The following DMD variants were observed in gnomAD, a reference collection of about 807,000 sequenced individuals.
DMD encodes the protein mutant dystrophin.
Under a neutral mutation model 330.1 loss-of-function variants are expected in DMD, and 63 were observed. The ratio of observed to expected loss-of-function variants is 0.19; its 90% CI spans 0.16 to 0.24. The LOEUF (loss-of-function observed/expected upper bound fraction) is 0.24, where lower values mean the gene tolerates loss of function less well. DMD is among the 10% of genes least tolerant of loss of function. DMD has a pLI of 1.00. For missense variants in DMD, 3,344 were observed against 2,684.1 expected, an observed-to-expected ratio of 1.25 and a Z score of -5.43; for synonymous variants, 1,223 against 959.8, an observed-to-expected ratio of 1.27 and a Z score of -5.07.
At chrX:31,526,219 T>C (rs926813733) in intron 55 of DMD, among the ~76,000 whole-genome samples, 2 of 112,470 alleles carry the variant, frequency 1.8e-5, no homozygotes, top group Non-Finnish European at 3.8e-5. Flanking sequence ...TGTATGACTG[T>C]TTTTCATCAG....
chrX:33,220,862 A>G (rs1252780145), intron 1 of DMD, among the ~76,000 whole-genome samples: 1 of 111,951 alleles, frequency 8.9e-6, no homozygotes, highest in East Asian at 2.8e-4. Context: ...ACTTCTTGAT[A>G]TTAAGAATTA....
In DMD at chrX:32,850,154, G is replaced by A. The variant is rs1178515896; in HGVS notation, c.94-334C>T. ...AAGGCAGTTACGGGTAAAGGGAAAA[G>A]TAAATACACAAAGAAGCAAAAGACC... On this transcript the variant is annotated intron_variant, in intron 2 of 78. Coordinates refer to ENST00000357033, the MANE Select transcript of DMD (RefSeq NM_004006.3). Among the ~76,000 whole-genome samples the A allele has an allele frequency of 1.1e-4, 12 of 111,534 alleles. No individual in the cohort carries two copies. The Admixed American group carries it at 1.1e-3, about 11-fold the overall frequency.
At position 32,459,496 on chromosome X, in the gene DMD, T is replaced by C. The variant is rs57414618; in HGVS notation, c.3432+3943A>G. Among the ~76,000 whole-genome samples, 854 of 111,099 alleles carry C rather than the reference T, an allele frequency of 7.7e-3. 6 individuals are homozygous for C. Among genetic ancestry groups the C allele is most frequent in the African/African-American group, 0.026 (808 of 30,697 alleles). On this transcript the variant is annotated intron_variant, in intron 25 of 78. Transcript: ENST00000357033. ...GTTATCTTTATTTTTATGTACCTCG[T>C]TTATATGCCCAGTTTGAAAAGTGTA...
At chrX:32,773,681 C>G (rs2148478277) in intron 7 of DMD, among the ~76,000 whole-genome samples, 1 of 110,511 alleles carries the variant, frequency 9.0e-6, no homozygotes, top group East Asian at 2.8e-4. Flanking sequence ...TGTCTCTGTG[C>G]CTGGTTGATT....
At chrX:32,552,630 C>A (rs2049705705) in intron 16 of DMD, among the ~76,000 whole-genome samples, 1 of 111,867 alleles carries the variant, frequency 8.9e-6, no homozygotes, top group Non-Finnish European at 1.9e-5. Flanking sequence ...ACAGAGTAAA[C>A]AGACAACCTG....
intron 56 of DMD, among the ~76,000 whole-genome samples, chrX:31,503,542 A>C (rs912706041): frequency 8.9e-6 from 1 of 112,327 alleles, no homozygotes; most frequent in African/African-American, 3.2e-5. Flanking sequence ...TGGAGGCAGT[A>C]AGCATAGCCC....
At chrX:32,197,409 G>T (rs2097011408) in intron 44 of DMD, among the ~76,000 whole-genome samples, 1 of 111,496 alleles carries the variant, frequency 9.0e-6, no homozygotes, top group African/African-American at 3.3e-5. Context: ...CAAATAGTGT[G>T]TCTTATTTTC....
At chrX:32,265,983 T>G (rs2097342683) in intron 43 of DMD, among the ~76,000 whole-genome samples, 2 of 111,480 alleles carry the variant, frequency 1.8e-5, no homozygotes, top group Admixed American at 1.9e-4. Context: ...GAAGGCATTA[T>G]TGTGTTTTGA....
At chrX:32,590,385 C>G (rs2054764686) in intron 13 of DMD, among the ~76,000 whole-genome samples, 2 of 111,367 alleles carry the variant, frequency 1.8e-5, no homozygotes, top group African/African-American at 6.5e-5. Context: ...GTGTCAACTT[C>G]ATGGAATTGA....
intron 7 of DMD, among the ~76,000 whole-genome samples, chrX:32,799,805 C>T (rs949353391): frequency 9.0e-6 from 1 of 110,896 alleles, no homozygotes; most frequent in Non-Finnish European, 1.9e-5. Flanking sequence ...ATTAAGTTTA[C>T]CCTAGATGTA....
intron 1 of DMD, among the ~76,000 whole-genome samples, chrX:33,313,878 A>G (rs1332220842): frequency 9.0e-6 from 1 of 111,404 alleles, no homozygotes; most frequent in Non-Finnish European, 1.9e-5. Context: ...ATCTGCCTTG[A>G]TGATGTTTAC....
At chrX:32,585,884 C>T (rs2054240430) in intron 13 of DMD, among the ~76,000 whole-genome samples, 1 of 108,968 alleles carries the variant, frequency 9.2e-6, no homozygotes, top group South Asian at 3.9e-4. Flanking sequence ...GAATAGAAAA[C>T]AGATTGAGTA....
intron 41 of DMD, among the ~76,000 whole-genome samples, chrX:32,328,928 C>A (rs915586318): frequency 6.3e-5 from 7 of 111,203 alleles, no homozygotes; most frequent in African/African-American, 2.0e-4. Context: ...TTGAAAACTT[C>A]TGGACCATGG....
At chrX:31,974,581 G>A (rs1220758745) in intron 44 of DMD, among the ~76,000 whole-genome samples, 2 of 108,684 alleles carry the variant, frequency 1.8e-5, no homozygotes, top group Non-Finnish European at 3.8e-5. Context: ...ACAAATGTGT[G>A]TGTTCATTTG....
chrX:32,867,633 T>C (rs2082619079), intron 2 of DMD, among the ~76,000 whole-genome samples: 1 of 112,140 alleles, frequency 8.9e-6, no homozygotes, highest in Non-Finnish European at 1.9e-5. Flanking sequence ...AACAATCCTG[T>C]ACAAAATATT....
chrX:33,272,989 G>A (rs1036442221), intron 1 of DMD, among the ~76,000 whole-genome samples: 15 of 111,576 alleles, frequency 1.3e-4, no homozygotes, highest in Non-Finnish European at 1.9e-4. Flanking sequence ...AACACATAGC[G>A]TGGTATCTGA....
At chrX:33,196,990 C>G (rs866120667) in intron 1 of DMD, among the ~76,000 whole-genome samples, 1 of 111,354 alleles carries the variant, frequency 9.0e-6, no homozygotes, top group Non-Finnish European at 1.9e-5. Context: ...ACCTGAAACA[C>G]AACACCTTAC....
chrX:32,324,858 C>T (rs16990223), intron 41 of DMD, among the ~76,000 whole-genome samples: 6,352 of 111,170 alleles, frequency 0.057, 426 homozygotes, highest in African/African-American at 0.19. Flanking sequence ...CTTGGGACAT[C>T]AAAAATTACA....
intron 63 of DMD, among the ~76,000 whole-genome samples, chrX:31,236,430 G>A (rs1430773102): frequency 1.8e-5 from 2 of 112,504 alleles, no homozygotes; most frequent in African/African-American, 3.2e-5. Flanking sequence ...TCCTCCTTGC[G>A]GTGGAGAAAT....
Sources: allele counts gnomAD v4.1 joint callset (sites outside exome capture counted in the v4.1 genomes callset), GRCh38; gene constraint gnomAD v4.1.1; transcripts MANE v1.5; gene names NCBI Gene and HGNC (gene_info 2026-07-23, HGNC 2026-07-21).